The following PCDHGB2 variants were observed in gnomAD, a reference collection of about 807,000 sequenced individuals.
PCDHGB2 encodes the protein protocadherin gamma subfamily B, 2, also known as protocadherin gamma-B2.
In PCDHGB2, 55 loss-of-function variants were observed where a neutral mutation model predicts 59.3. The observed-to-expected ratio is 0.93, with a 90% CI of 0.75 to 1.16. The LOEUF is 1.16. Among genes scored for constraint, PCDHGB2 ranks in the 50% most tolerant of loss-of-function variants. The pLI, the probability that PCDHGB2 is intolerant of heterozygous loss-of-function variation, is 0.00. For missense variants in PCDHGB2, 1,228 were observed against 1,198.5 expected (o/e 1.02, Z -0.36); for synonymous variants, 516 against 512.0 (o/e 1.01, Z -0.11).
At chr5:141,427,007 C>T (rs1215109574) in intron 1 of PCDHGB2, 2 of 456,668 alleles carry the variant, frequency 4.4e-6, no homozygotes, top group Admixed American at 2.3e-5. Flanking sequence ...CAGTTTTTAG[C>T]CAGGATGTAT....
intron 1 of PCDHGB2, chr5:141,427,995 G>T (rs1292989797): frequency 6.3e-7 from 1 of 1,599,590 alleles, no homozygotes; most frequent in Non-Finnish European, 8.6e-7. Flanking sequence ...CGATGGCTCC[G>T]CACTCTTCGA....
intron 1 of PCDHGB2, chr5:141,408,154 A>T: frequency 6.6e-7 from 1 of 1,510,630 alleles, no homozygotes; most frequent in Non-Finnish European, 8.9e-7. Context: ...GGTAGAGTGC[A>T]CTTTCTCCAA....
chr5:141,501,509 C>T lies in PCDHGB2; in HGVS notation c.2481-3884C>T, dbSNP rs1046763108. 4.6e-5 allele frequency among the ~76,000 whole-genome samples: 7 copies of T among 152,080 alleles called. No individual in the cohort carries two copies. The South Asian group carries it at 6.2e-4, about 14-fold the overall frequency. On this transcript the variant is annotated intron_variant, in intron 2 of 3. Transcript: ENST00000522605. The stretch of plus-strand genomic sequence containing the variant: ...ATATCTGCTGCTGGGGCTCCAAGGC[C>T]TCCAAGCTGAAGCCCAGTACGTTGT...
Position 141,360,658 on chromosome 5 carries a change from A to C in PCDHGB2, c.523A>C (p.Asn175His). Residue 175 changes from asparagine (N) to histidine (H), a missense_variant, in exon 1 of 4, where the codon AAC (asparagine) becomes CAC (histidine). By Grantham distance (68) the Asn-to-His change is moderately conservative (BLOSUM62 1). Coordinates refer to ENST00000522605, the MANE Select transcript of PCDHGB2 (RefSeq NM_018923.3). ...ACTACAAAGATACCACCTTAATGAC[A>C]ACGAGTACTTTGATCTCGCTGAGAA... ...NSLQRYHLND[N>H]EYFDLAEKQT... 1 of 1,613,590 alleles carries C rather than the reference A, an allele frequency of 6.2e-7. No individual in the cohort carries two copies. The highest frequency in any genetic ancestry group is 8.5e-7 in the Non-Finnish European group (1 of 1,179,666).
At chr5:141,495,804 T>G (rs894259635) in intron 2 of PCDHGB2, among the ~76,000 whole-genome samples, 1 of 152,168 alleles carries the variant, frequency 6.6e-6, no homozygotes, top group South Asian at 2.1e-4. Flanking sequence ...TTTCACCGTT[T>G]CCTAGCGCCT....
chr5:141,433,993 T>G (rs1367687577), intron 1 of PCDHGB2, among the ~76,000 whole-genome samples: 1 of 152,216 alleles, frequency 6.6e-6, no homozygotes, highest in Non-Finnish European at 1.5e-5. Context: ...GAGTTTTATA[T>G]TCTCTATATA....
chr5:141,417,851 G>T (rs1196210157), intron 1 of PCDHGB2: 1 of 1,543,508 alleles, frequency 6.5e-7, no homozygotes. Flanking sequence ...GCGAGAACCC[G>T]AGCGAACGAT....
At chr5:141,433,353 G>C (rs2097584366) in intron 1 of PCDHGB2, 4 of 603,272 alleles carry the variant, frequency 6.6e-6, no homozygotes, top group South Asian at 6.2e-5. Context: ...GCCACCTACT[G>C]TCTGCCTATC....
intron 2 of PCDHGB2, among the ~76,000 whole-genome samples, chr5:141,495,521 C>G (rs1385879589): frequency 6.6e-6 from 1 of 152,144 alleles, no homozygotes; most frequent in Non-Finnish European, 1.5e-5. Flanking sequence ...TTTCTCTTAC[C>G]TCTCAGTCCT....
chr5:141,364,466 G>C (rs1391136210), intron 1 of PCDHGB2: 2 of 1,613,872 alleles, frequency 1.2e-6, no homozygotes, highest in Non-Finnish European at 8.5e-7. Flanking sequence ...CTCCTTCGTC[G>C]GCAACATAGC....
In PCDHGB2 at chr5:141,490,072, G is replaced by A; in HGVS notation, c.2422-4735G>A. On this transcript the variant is annotated intron_variant, in intron 1 of 3. Transcript: ENST00000522605. This position sits in a 1 kb window ranked among gnomAD's most constrained non-coding sequence, Gnocchi z 5.4. ...AGACGAGGGCACCAACGGCCAACTA[G>A]ACTATTCTTTTGGAGACCACACATC... is the stretch of plus-strand genomic sequence containing the variant. The A allele has an allele frequency of 6.2e-7, 1 of 1,614,254 alleles. No homozygotes were observed. The highest frequency in any genetic ancestry group is 8.5e-7 in the Non-Finnish European group (1 of 1,180,042).
At chr5:141,364,420 G>C (rs1763313585) in intron 1 of PCDHGB2, 1 of 1,613,554 alleles carries the variant, frequency 6.2e-7, no homozygotes. Flanking sequence ...GATCCGGGCA[G>C]ATCCGCTACT....
intron 1 of PCDHGB2, chr5:141,423,357 C>T: frequency 6.2e-7 from 1 of 1,614,214 alleles, no homozygotes; most frequent in Non-Finnish European, 8.5e-7. Context: ...TCTTTGTCAT[C>T]GTGCTGCTGG....
chr5:141,490,215 G>C lies in PCDHGB2; in HGVS notation c.2422-4592G>C. 6.2e-7 allele frequency: 1 copy of C among 1,614,254 alleles called. No individual in the cohort carries two copies. Among genetic ancestry groups the C allele is most frequent in the African/African-American group, 1.3e-5 (1 of 75,078 alleles). On this transcript the variant is annotated intron_variant, in intron 1 of 3. Coordinates refer to ENST00000522605, the MANE Select transcript of PCDHGB2 (RefSeq NM_018923.3). The surrounding 1 kb of genome is among the most constrained non-coding windows in gnomAD (Gnocchi z 5.4). ...AAATTCATGCAAGAGCCCGTGACCA[G>C]GGACAGCCTGCCATGGAGGGCCACT... is the stretch of plus-strand genomic sequence containing the variant.
intron 1 of PCDHGB2, among the ~76,000 whole-genome samples, chr5:141,397,777 C>T (rs1589309887): frequency 6.6e-6 from 1 of 152,170 alleles, no homozygotes; most frequent in Non-Finnish European, 1.5e-5. Flanking sequence ...AGTATATGGA[C>T]GTAAAAACTT....
chr5:141,396,813 T>C (rs1031435038), intron 1 of PCDHGB2, among the ~76,000 whole-genome samples: 4 of 152,240 alleles, frequency 2.6e-5, no homozygotes, highest in African/African-American at 9.6e-5. Context: ...AGTGTTCTAC[T>C]GTATGGTGCA....
In PCDHGB2 at chr5:141,364,711, T is replaced by C. The variant is rs370237297; in HGVS notation, c.2421+2155T>C. ...TAGAAGTAGAAATAATCGATATTAA[T>C]GATAACTTCCCGCGTTTCCGGGATG... On this transcript the variant is annotated intron_variant, in intron 1 of 3. Transcript: ENST00000522605. 48 of 1,613,870 alleles carry C rather than the reference T, an allele frequency of 3.0e-5. No homozygotes were observed. In the African/African-American group the frequency reaches 5.1e-4, roughly 17 times the overall value.
At chr5:141,482,943 G>T (rs2099574928) in intron 1 of PCDHGB2, among the ~76,000 whole-genome samples, 1 of 152,086 alleles carries the variant, frequency 6.6e-6, no homozygotes, top group Non-Finnish European at 1.5e-5. Context: ...TGTGGTTGTG[G>T]GTGCCTGTAA....
intron 1 of PCDHGB2, chr5:141,384,205 A>T: frequency 6.2e-7 from 1 of 1,613,874 alleles, no homozygotes; most frequent in Non-Finnish European, 8.5e-7. Context: ...GTCCAGGGAA[A>T]CTCACATATT....
Sources: gnomAD v4.1 joint callset for allele counts (sites outside exome capture counted in the v4.1 genomes callset) on GRCh38, gnomAD v4.1.1 for gene constraint, Gnocchi (gnomAD v3.1) non-coding constraint, MANE v1.5 for transcripts, NCBI Gene and HGNC (gene_info 2026-07-23, HGNC 2026-07-21) for gene names.